The following ARHGEF28 variants were observed in gnomAD, a reference collection of about 807,000 sequenced individuals.
The protein encoded by ARHGEF28 is Rho guanine nucleotide exchange factor 28.
A neutral mutation model predicts 206.6 loss-of-function variants in ARHGEF28; 152 were observed. The ratio of observed to expected loss-of-function variants is 0.74; its 90% CI spans 0.64 to 0.84. ARHGEF28 has a LOEUF of 0.84. Among genes scored for constraint, ARHGEF28 ranks in the 40% least tolerant of loss-of-function variants. The pLI is 0.00. For synonymous variants in ARHGEF28, 763 were observed against 776.4 expected (o/e 0.98, Z 0.29); for missense variants, 2,028 against 2,073.2 (o/e 0.98, Z 0.42).
At chr5:73,640,515 C>T (rs1744009033) in intron 1 of ARHGEF28, among the ~76,000 whole-genome samples, 1 of 152,104 alleles carries the variant, frequency 6.6e-6, no homozygotes, top group African/African-American at 2.4e-5. Context: ...TTAATGTTAA[C>T]AATTTTTTAA....
intron 1 of ARHGEF28, among the ~76,000 whole-genome samples, chr5:73,661,764 A>G (rs1040563622): frequency 2.0e-5 from 3 of 152,138 alleles, no homozygotes; most frequent in African/African-American, 7.2e-5. Flanking sequence ...TCAATTCACC[A>G]TATTTTGTGG....
intron 26 of ARHGEF28, among the ~76,000 whole-genome samples, chr5:73,891,227 C>G (rs1233532914): frequency 6.6e-6 from 1 of 152,080 alleles, no homozygotes; most frequent in Non-Finnish European, 1.5e-5. Context: ...ATGACAGTAG[C>G]AAAAAGGATT....
intron 1 of ARHGEF28, among the ~76,000 whole-genome samples, chr5:73,630,260 C>A (rs1488079389): frequency 6.6e-6 from 1 of 152,146 alleles, no homozygotes; most frequent in Admixed American, 6.5e-5. Flanking sequence ...AGACTTACTC[C>A]TTTTCTTCCA....
At chr5:73,692,929 G>C (rs1034358958) in intron 2 of ARHGEF28, among the ~76,000 whole-genome samples, 7 of 152,160 alleles carry the variant, frequency 4.6e-5, no homozygotes, top group African/African-American at 1.4e-4. Flanking sequence ...CCATCCCCCA[G>C]TGGGCTACCT....
chr5:73,630,815 G>A (rs1743322950), intron 1 of ARHGEF28, among the ~76,000 whole-genome samples: 1 of 152,184 alleles, frequency 6.6e-6, no homozygotes, highest in East Asian at 1.9e-4. Context: ...AATTGAATGT[G>A]AATGTGATGT....
intron 4 of ARHGEF28, among the ~76,000 whole-genome samples, chr5:73,768,992 C>G (rs750334013): frequency 6.6e-6 from 1 of 152,058 alleles, no homozygotes; most frequent in African/African-American, 2.4e-5. Flanking sequence ...CAAGCTCCCT[C>G]TTGCCGCTGC....
intron 8 of ARHGEF28, 52 bp from the exon 9 acceptor site, chr5:73,795,279 G>A (rs929035857): frequency 2.6e-6 from 4 of 1,514,396 alleles, no homozygotes; most frequent in Non-Finnish European, 3.7e-6. Flanking sequence ...ATAAACATTA[G>A]TGTAGCATAT....
intron 9 of ARHGEF28, among the ~76,000 whole-genome samples, chr5:73,822,657 G>A (rs1184329649): frequency 6.6e-6 from 1 of 152,114 alleles, no homozygotes; most frequent in Admixed American, 6.5e-5. Context: ...TAGAGACAGA[G>A]TCTCACCCAG....
chr5:73,817,165 G>A (rs1477916630), intron 9 of ARHGEF28, among the ~76,000 whole-genome samples: 1 of 152,092 alleles, frequency 6.6e-6, no homozygotes, highest in Non-Finnish European at 1.5e-5. Context: ...TTATCCACTT[G>A]TGCAACTTCC....
intron 2 of ARHGEF28, among the ~76,000 whole-genome samples, chr5:73,691,531 T>C (rs1250360753): frequency 1.3e-5 from 2 of 152,192 alleles, no homozygotes; most frequent in African/African-American, 4.8e-5. Flanking sequence ...ACCTACTGAA[T>C]CAGACACTCT....
chr5:73,713,731 T>C (rs1749400411), intron 2 of ARHGEF28, among the ~76,000 whole-genome samples: 1 of 152,148 alleles, frequency 6.6e-6, no homozygotes, highest in East Asian at 1.9e-4. Flanking sequence ...CTTTTTAAAC[T>C]TAGGAATGAC....
At chr5:73,909,336 G>A (rs1762727597) in intron 33 of ARHGEF28, 76 bp from the exon 34 acceptor site, 14 of 1,508,842 alleles carry the variant, frequency 9.3e-6, no homozygotes, top group African/African-American at 2.8e-5. Context: ...GTGTTTCGAG[G>A]TAGTTCCAAC....
intron 9 of ARHGEF28, among the ~76,000 whole-genome samples, chr5:73,831,260 T>C (rs2112558364): frequency 6.6e-6 from 1 of 152,306 alleles, no homozygotes; most frequent in Non-Finnish European, 1.5e-5. Context: ...CTTTTATGGA[T>C]GAGGAAACTT....
chr5:73,885,068 A>T (rs1181157290), intron 24 of ARHGEF28, among the ~76,000 whole-genome samples: 1 of 152,196 alleles, frequency 6.6e-6, no homozygotes, highest in Non-Finnish European at 1.5e-5. Context: ...TAATATATTC[A>T]TATTTATGCT....
chr5:73,901,569 T>C (rs111927566), intron 31 of ARHGEF28: 2,160 of 189,354 alleles, frequency 0.011, 56 homozygotes, highest in African/African-American at 0.046. Context: ...CTTCTGGTCT[T>C]TCTGCCCTGC....
chr5:73,873,488 T>C (rs1281334801), intron 22 of ARHGEF28, among the ~76,000 whole-genome samples: 4 of 152,044 alleles, frequency 2.6e-5, no homozygotes, highest in African/African-American at 9.7e-5. Flanking sequence ...ATTGAATGAA[T>C]GGGCCACTTA....
At chr5:73,782,299 TGTG>T (rs549480222) in intron 7 of ARHGEF28, among the ~76,000 whole-genome samples, 91 of 151,832 alleles carry the variant, frequency 6.0e-4, no homozygotes, top group Middle Eastern at 3.4e-3. Flanking sequence ...ATTAGCCAGG[TGTG>T]GTGGTGTGCA....
intron 25 of ARHGEF28, 87 bp downstream of exon 25, chr5:73,886,191 G>A: frequency 6.7e-7 from 1 of 1,481,560 alleles, no homozygotes; most frequent in South Asian, 1.4e-5. Context: ...AAACAGTTCA[G>A]AATTGCAGGC....
At chr5:73,836,679 T>C (rs1003586863) in intron 10 of ARHGEF28, among the ~76,000 whole-genome samples, 9 of 152,184 alleles carry the variant, frequency 5.9e-5, no homozygotes, top group African/African-American at 2.2e-4. Context: ...GTCACACTTA[T>C]TTATTTTGCT....
Sources: allele counts gnomAD v4.1 joint callset (sites outside exome capture counted in the v4.1 genomes callset), GRCh38; gene constraint gnomAD v4.1.1; transcripts MANE v1.5; gene names NCBI Gene and HGNC (gene_info 2026-07-23, HGNC 2026-07-21).